The following ANKRD18A variants were observed in gnomAD, a reference collection of about 807,000 sequenced individuals.
ANKRD18A encodes the protein ankyrin repeat domain 18A, also known as ankyrin repeat domain-containing protein 18A.
A neutral mutation model predicts 110.6 loss-of-function variants in ANKRD18A; 72 were observed. That is an observed-to-expected ratio of 0.65 (90% confidence interval 0.54 to 0.79). ANKRD18A has a LOEUF of 0.79. Ranked by LOEUF, ANKRD18A falls within the 30% of genes least tolerant of loss-of-function variation. ANKRD18A has a pLI of 0.00. For missense variants in ANKRD18A, 934 were observed against 1,163.3 expected (o/e 0.80, Z 2.87); for synonymous variants, 305 against 410.3 (o/e 0.74, Z 3.10).
At chr9:38,618,500 G>A (rs527646988) in intron 1 of ANKRD18A, among the ~76,000 whole-genome samples, 1 of 152,196 alleles carries the variant, frequency 6.6e-6, no homozygotes, top group Non-Finnish European at 1.5e-5. Flanking sequence ...GAAAAAAAGT[G>A]CATGTATCTC....
At chr9:38,594,930 T>C (rs1824808257) in intron 9 of ANKRD18A, among the ~76,000 whole-genome samples, 1 of 152,186 alleles carries the variant, frequency 6.6e-6, no homozygotes, top group South Asian at 2.1e-4. Flanking sequence ...AGTCTAAGAC[T>C]ACACACCTTA....
At chr9:38,600,323 A>G (rs1038771133) in intron 8 of ANKRD18A, among the ~76,000 whole-genome samples, 8 of 152,186 alleles carry the variant, frequency 5.3e-5, no homozygotes, top group Non-Finnish European at 8.8e-5. Flanking sequence ...TCATATTTCT[A>G]GGATTAATTA....
chr9:38,584,470 G>T (rs1283208273), intron 12 of ANKRD18A, among the ~76,000 whole-genome samples: 2 of 152,166 alleles, frequency 1.3e-5, no homozygotes, highest in Non-Finnish European at 2.9e-5. Flanking sequence ...TTCTAAAATT[G>T]ATGTAATGAT....
intron 8 of ANKRD18A, among the ~76,000 whole-genome samples, chr9:38,600,918 C>T (rs1157992602): frequency 1.3e-5 from 2 of 152,028 alleles, no homozygotes; most frequent in Non-Finnish European, 2.9e-5. Context: ...GCCTCAATTC[C>T]AAGGGTACAG....
chr9:38,619,171 T>A (rs1825977183), intron 1 of ANKRD18A, among the ~76,000 whole-genome samples: 2 of 152,154 alleles, frequency 1.3e-5, no homozygotes, highest in South Asian at 4.1e-4. Flanking sequence ...AAAATGTACC[T>A]GTATAAATAA....
intron 3 of ANKRD18A, among the ~76,000 whole-genome samples, chr9:38,613,833 C>T (rs1825741788): frequency 1.3e-5 from 2 of 152,136 alleles, no homozygotes; most frequent in South Asian, 4.1e-4. Flanking sequence ...TTGTAATGAA[C>T]ATTTGCTGAC....
chr9:38,605,348 T>C (rs1180123185), intron 6 of ANKRD18A, among the ~76,000 whole-genome samples: 1 of 152,226 alleles, frequency 6.6e-6, no homozygotes, highest in African/African-American at 2.4e-5. Flanking sequence ...AATTAAATAG[T>C]TATCTATATT....
chr9:38,603,165 C>G lies in ANKRD18A; in HGVS notation c.856G>C (p.Ala286Pro). 1 of 1,551,062 alleles carries G rather than the reference C, an allele frequency of 6.4e-7. No homozygotes were observed. Among genetic ancestry groups the G allele is most frequent in the Non-Finnish European group, 8.7e-7 (1 of 1,146,592 alleles). ...PANLKKRKER[A>P]KAEHNLKVAS... The stretch of plus-strand genomic sequence containing the variant: ...GAGAACTCAAGTGTCTTACCTTTTG[C>G]ACGTTCTTTTCTTTTTTTCAAATTT... The change falls in exon 7 of 16, where the codon GCA becomes CCA. Residue 286 changes from alanine (A) to proline (P), a missense_variant. By Grantham distance (27) the Ala-to-Pro change is conservative. This residue lies in a region of ANKRD18A where 630 missense variants were observed against 797.5 expected (regional missense o/e 0.79). Transcript: ENST00000399703.
At chr9:38,569,099 G>C, downstream of ANKRD18A, 1 of 985,388 alleles carries the variant, frequency 1.0e-6, no homozygotes, top group Non-Finnish European at 1.2e-6. Flanking sequence ...TACCCACCAA[G>C]GGGGGTCAGA....
rs1467682786 is a variant in ANKRD18A, at chr9:38,607,508, C to T, written c.741-15G>A. ...GTTGTCGGATGCTATGCATAATAAA[C>T]GTAATAAAATTAGTATTTTAATAGT... On this transcript the variant is annotated splice_polypyrimidine_tract_variant and intron_variant, in intron 5 of 15. Coordinates refer to ENST00000399703, the MANE Select transcript of ANKRD18A (RefSeq NM_147195.4). 1.1e-5 allele frequency: 16 copies of T among 1,414,924 alleles called. No individual in the cohort carries two copies. Among genetic ancestry groups the T allele is most frequent in the East Asian group, 8.3e-5 (3 of 36,254 alleles). The allele number at this position is 1,414,924 out of a possible 1,614,324, so 87.6% of individuals were successfully genotyped here.
At chr9:38,602,127 C>G (rs1190980575) in intron 7 of ANKRD18A, among the ~76,000 whole-genome samples, 1 of 150,148 alleles carries the variant, frequency 6.7e-6, no homozygotes, top group Non-Finnish European at 1.5e-5. Context: ...TTTCTAGTGT[C>G]ACTTCACCAT....
rs558850530 is a variant in ANKRD18A at position 38,607,544 on chromosome 9, A to G, written c.741-51T>C. On this transcript the variant is annotated intron_variant, in intron 5 of 15. Transcript: ENST00000399703. ...TAGTATTTTAATAGTGATATGAAAA[A>G]TATTTGCCAAACAGATTAAATTCTT... 551 of 1,236,836 alleles carry G rather than the reference A, an allele frequency of 4.5e-4. 8 individuals are homozygous for G. The South Asian group carries it at 9.0e-3, about 20-fold the overall frequency. The allele number at this position is 1,236,836 out of a possible 1,614,324, so 76.6% of individuals were successfully genotyped here. A position where few individuals can be genotyped will look rare whatever the true frequency, so the allele number is the denominator to read the frequency against.
At position 38,620,564 on chromosome 9, in the gene ANKRD18A, T is replaced by A; in HGVS notation, c.-279A>T. On this transcript the variant is annotated 5_prime_UTR_variant, in exon 1 of 16. Coordinates refer to ENST00000399703, the MANE Select transcript of ANKRD18A (RefSeq NM_147195.4). ...CCAGCTAAGCCGTTAGGCGCGCGCC[T>A]GAACCTCAGCGCTCCGAACTCTCAG... The A allele has an allele frequency of 5.6e-6, 6 of 1,078,884 alleles. No individual in the cohort carries two copies. Among genetic ancestry groups the A allele is most frequent in the South Asian group, 2.2e-5 (1 of 44,542 alleles). The allele number at this position is 1,078,884 out of a possible 1,614,324, so 66.8% of individuals were successfully genotyped here. A position where few individuals can be genotyped will look rare whatever the true frequency, so the allele number is the denominator to read the frequency against.
chr9:38,569,217 G>T (rs1365319996), downstream of ANKRD18A: 1 of 981,510 alleles, frequency 1.0e-6, no homozygotes, highest in Non-Finnish European at 1.2e-6. Flanking sequence ...GTGGTCCTGG[G>T]GGTGTCCAGA....
chr9:38,602,282 A>T (rs1825149663), intron 7 of ANKRD18A, among the ~76,000 whole-genome samples: 1 of 151,430 alleles, frequency 6.6e-6, no homozygotes, highest in African/African-American at 2.4e-5. Context: ...GAATGAGAAT[A>T]AAAGCTGTCA....
intron 10 of ANKRD18A, among the ~76,000 whole-genome samples, chr9:38,591,879 C>T (rs1172957759): frequency 1.3e-5 from 2 of 152,176 alleles, no homozygotes; most frequent in Non-Finnish European, 2.9e-5. Flanking sequence ...ATTGCTAAAT[C>T]AAGTCTTCTG....
At chr9:38,614,635 T>C (rs907404959) in intron 3 of ANKRD18A, among the ~76,000 whole-genome samples, 2 of 151,998 alleles carry the variant, frequency 1.3e-5, no homozygotes, top group Non-Finnish European at 2.9e-5. Flanking sequence ...ACATGGCCAA[T>C]ATCCTTTATC....
At chr9:38,575,317 A>AT (rs1294711798) in intron 15 of ANKRD18A, among the ~76,000 whole-genome samples, 159 bp downstream of exon 15, 6 of 152,208 alleles carry the variant, frequency 3.9e-5, no homozygotes, top group Admixed American at 3.9e-4. Flanking sequence ...CCAGGGAATT[A>AT]AAAAATGTAA....
chr9:38,594,296 C>T (rs1824779918), intron 9 of ANKRD18A, among the ~76,000 whole-genome samples: 1 of 152,146 alleles, frequency 6.6e-6, no homozygotes, highest in Non-Finnish European at 1.5e-5. Flanking sequence ...ACCTCAGCTC[C>T]TACAACTCTG....
Sources: allele counts gnomAD v4.1 joint callset (sites outside exome capture counted in the v4.1 genomes callset), GRCh38; gene constraint gnomAD v4.1.1; regional missense constraint gnomAD v4.1.1; transcripts MANE v1.5; gene names NCBI Gene and HGNC (gene_info 2026-07-23, HGNC 2026-07-21).